The following GLT1D1 variants were observed in gnomAD, a reference collection of about 807,000 sequenced individuals.
GLT1D1 encodes glycosyltransferase 1 domain-containing protein 1.
GLT1D1 carries 21 observed loss-of-function variants against 28.7 expected under a neutral mutation model. The ratio of observed to expected loss-of-function variants is 0.73; its 90% CI spans 0.52 to 1.05. The LOEUF is 1.05. Among genes scored for constraint, GLT1D1 ranks in the 50% least tolerant of loss-of-function variants. The pLI, the probability that GLT1D1 is intolerant of heterozygous loss-of-function variation, is 0.00. For missense variants in GLT1D1, 343 were observed against 330.6 expected (o/e 1.04, Z -0.29); for synonymous variants, 147 against 124.8 (o/e 1.18, Z -1.19).
chr12:128,854,468 G>A (rs1419577130), intron 1 of GLT1D1, among the ~76,000 whole-genome samples: 1 of 150,450 alleles, frequency 6.6e-6, no homozygotes, highest in Non-Finnish European at 1.5e-5. Context: ...GAAATTTCCC[G>A]ATTTACTTCC....
intron 4 of GLT1D1, among the ~76,000 whole-genome samples, chr12:128,922,859 G>C (rs1189680313): frequency 6.8e-6 from 1 of 146,668 alleles, no homozygotes; most frequent in South Asian, 2.1e-4. Flanking sequence ...AGAGGCAGAG[G>C]TTGCAGTGAG....
At chr12:128,953,746 T>A (rs1876965426) in intron 6 of GLT1D1, among the ~76,000 whole-genome samples, 1 of 1,774 alleles carries the variant, frequency 5.6e-4, no homozygotes, top group South Asian at 0.025. Flanking sequence ...AAAATAGCTT[T>A]TTTTTTTTTT....
At chr12:128,974,371 G>C (rs867755777) in intron 7 of GLT1D1, among the ~76,000 whole-genome samples, 1 of 152,036 alleles carries the variant, frequency 6.6e-6, no homozygotes, top group African/African-American at 2.4e-5. Context: ...ACCCTGCATC[G>C]TGCATTTCAT....
chr12:128,966,950 T>C (rs1878518299), intron 7 of GLT1D1, among the ~76,000 whole-genome samples: 1 of 152,240 alleles, frequency 6.6e-6, no homozygotes, highest in Non-Finnish European at 1.5e-5. Flanking sequence ...AATCCTGTTA[T>C]TTCTCCTTTT....
rs1555219265 is a variant in GLT1D1, at chr12:128,956,158, C to CAAAAAAAAAAAAAAAAAAAAAAA, written c.541-1373_541-1372insAAAAAAAAAAAAAAAAAAAAAAA. Among the ~76,000 whole-genome samples the CAAAAAAAAAAAAAAAAAAAAAAA allele has an allele frequency of 3.2e-3, 24 of 7,464 alleles. 2 individuals carry two copies. Among genetic ancestry groups the CAAAAAAAAAAAAAAAAAAAAAAA allele is most frequent in the East Asian group, 7.4e-3 (2 of 272 alleles). 4.9% of individuals were successfully genotyped at this position (7,464 alleles called of 152,430 possible). ...TGGGTGACAGAGCGAGACTCCATCTCAAAAAAAAAAAAAAGAGAAAGAGAG... is the reference window on the plus strand; with the variant it reads ...TGGGTGACAGAGCGAGACTCCATCTCAAAAAAAAAAAAAAAAAAAAAAAAAAAAAAAAAAAAAGAGAAAGAGAG... On this transcript the variant is annotated intron_variant, in intron 6 of 7. Coordinates refer to ENST00000281703, the MANE Select transcript of GLT1D1 (RefSeq NM_144669.3).
chr12:128,890,240 A>G lies in GLT1D1; in HGVS notation c.323+1496A>G, dbSNP rs1209588727. Among the ~76,000 whole-genome samples the G allele has an allele frequency of 9.2e-5, 14 of 152,134 alleles. No individual in the cohort carries two copies. In the East Asian group the frequency reaches 2.7e-3, roughly 29 times the overall value. The stretch of plus-strand genomic sequence containing the variant: ...TTCAGCCCTTGTCTGTCTGTAAAAC[A>G]CGCCTTCTCTGCGCAGCTCATCAGA... On this transcript the variant is annotated intron_variant, in intron 3 of 7. Transcript: ENST00000281703.
intron 4 of GLT1D1, among the ~76,000 whole-genome samples, chr12:128,899,896 G>A (rs575345027): frequency 1.9e-4 from 29 of 152,184 alleles, no homozygotes; most frequent in African/African-American, 6.3e-4. Context: ...TATCAGCTGC[G>A]CTATAAATGT....
At chr12:128,945,258 C>T (rs1366410695) in intron 4 of GLT1D1, 68 bp from the exon 9 acceptor site, 33 of 1,519,424 alleles carry the variant, frequency 2.2e-5, no homozygotes, top group Middle Eastern at 1.7e-4. Context: ...TGGCCTGGCC[C>T]GTGCTGGCCG....
chr12:128,975,290 G>A lies in GLT1D1; in HGVS notation c.640-7639G>A, dbSNP rs1001109591. Among the ~76,000 whole-genome samples the A allele has an allele frequency of 5.3e-5, 8 of 152,126 alleles. No homozygotes were observed. The East Asian group carries it at 7.7e-4, about 15-fold the overall frequency. ...TGGGGGCGGGGGGAAGTCAAGCATCGTGAGTAGGGGTCAGAGTCCCCACCC... is the reference window on the plus strand; with the variant it reads ...TGGGGGCGGGGGGAAGTCAAGCATCATGAGTAGGGGTCAGAGTCCCCACCC... On this transcript the variant is annotated intron_variant, in intron 7 of 7. Coordinates refer to ENST00000281703, the MANE Select transcript of GLT1D1 (RefSeq NM_144669.3).
At chr12:128,931,931 A>ACG (rs1873959083) in intron 4 of GLT1D1, among the ~76,000 whole-genome samples, 1 of 152,218 alleles carries the variant, frequency 6.6e-6, no homozygotes, top group African/African-American at 2.4e-5. Flanking sequence ...ACACACACAC[A>ACG]CACACACACA....
chr12:128,947,300 C>G, intron 5 of GLT1D1, 38 bp from the exon 10 acceptor site: 4 of 1,612,760 alleles, frequency 2.5e-6, no homozygotes, highest in Non-Finnish European at 3.4e-6. Context: ...CCATGAGATT[C>G]TTGGAATCAG....
intron 4 of GLT1D1, among the ~76,000 whole-genome samples, chr12:128,921,030 C>T (rs1473114215): frequency 5.3e-5 from 8 of 152,076 alleles, no homozygotes; most frequent in Admixed American, 3.3e-4. Context: ...TTAGGGAGCC[C>T]GAAGTGTAAT....
intron 6 of GLT1D1, among the ~76,000 whole-genome samples, chr12:128,951,962 G>A (rs949933293): frequency 7.9e-5 from 12 of 152,162 alleles, no homozygotes; most frequent in South Asian, 2.1e-4. Context: ...GGCCGTGCCC[G>A]CCATGGTGTG....
At chr12:128,912,540 GATAA>G (rs1487915253) in intron 4 of GLT1D1, 80 bp downstream of exon 5, 4 of 576,888 alleles carry the variant, frequency 6.9e-6, no homozygotes, top group African/African-American at 1.9e-5. Context: ...ATTTATATGT[GATAA>G]ATATATATAT....
intron 4 of GLT1D1, chr12:128,944,489 C>G: frequency 8.5e-7 from 1 of 1,172,332 alleles, no homozygotes; most frequent in Admixed American, 1.7e-5. Context: ...AGCGGCTCCC[C>G]TGTCAGAGCA....
rs374339666 is a variant in GLT1D1, at chr12:128,959,829, AT to A, written c.639+2196del. Reference sequence around the variant, plus strand: ...ATCCGCTCTGGCAAAGTGTTCTGGGATTTTTTTTTTCCATCTCCCAAAAGGC... The same window carrying A: ...ATCCGCTCTGGCAAAGTGTTCTGGGATTTTTTTTTCCATCTCCCAAAAGGC... On this transcript the variant is annotated intron_variant, in intron 7 of 7. Coordinates refer to ENST00000281703, the MANE Select transcript of GLT1D1 (RefSeq NM_144669.3). Among the ~76,000 whole-genome samples the A allele has an allele frequency of 4.4e-3, 662 of 149,994 alleles. 8 individuals are homozygous for A. Among genetic ancestry groups the A allele is most frequent in the African/African-American group, 0.015 (604 of 40,606 alleles).
chr12:128,947,947 A>AG (rs1445481437), intron 6 of GLT1D1, among the ~76,000 whole-genome samples: 7 of 152,204 alleles, frequency 4.6e-5, no homozygotes, highest in African/African-American at 1.7e-4. Flanking sequence ...CGTGGGGGCC[A>AG]GGGTGGATCT....
intron 6 of GLT1D1, among the ~76,000 whole-genome samples, chr12:128,956,334 A>G (rs1877308218): frequency 6.6e-6 from 1 of 152,038 alleles, no homozygotes; most frequent in East Asian, 1.9e-4. Context: ...AACCTATTTT[A>G]TAATAAAGTG....
chr12:128,888,259 A>G (rs1332701294), intron 2 of GLT1D1, among the ~76,000 whole-genome samples: 1 of 152,218 alleles, frequency 6.6e-6, no homozygotes, highest in Non-Finnish European at 1.5e-5. Context: ...GTTGATGAAC[A>G]ATAGGACTCA....
Sources: allele counts gnomAD v4.1 joint callset (sites outside exome capture counted in the v4.1 genomes callset), GRCh38; gene constraint gnomAD v4.1.1; transcripts MANE v1.5; gene names NCBI Gene and HGNC (gene_info 2026-07-23, HGNC 2026-07-21).